The following ESF1 variants were observed in gnomAD, a reference collection of about 807,000 sequenced individuals.
ESF1 encodes ESF1 nucleolar pre-rRNA processing protein.
In ESF1, 58 loss-of-function variants were observed where a neutral mutation model predicts 92.0. The observed-to-expected ratio is 0.63, with a 90% CI of 0.51 to 0.78. The LOEUF (loss-of-function observed/expected upper bound fraction) is 0.78, where lower values mean the gene tolerates loss of function less well. ESF1 is among the 30% of genes least tolerant of loss of function. The pLI, the probability that ESF1 is intolerant of heterozygous loss-of-function variation, is 0.00. For missense variants in ESF1, 922 were observed against 989.1 expected, an observed-to-expected ratio of 0.93 and a Z score of 0.91; for synonymous variants, 321 against 313.7, an observed-to-expected ratio of 1.02 and a Z score of -0.24.
chr20:13,728,362 A>G lies in ESF1; in HGVS notation c.2038+16T>C. 5 of 1,590,972 alleles carry G rather than the reference A, an allele frequency of 3.1e-6. No homozygotes were observed. The African/African-American group carries it at 4.1e-5, about 13-fold the overall frequency. ...TTTAGATTCCAGTTGAAAACTACAGATATGAGCTGGCTTACCTATTTGTTT... is the reference window on the plus strand; with the variant it reads ...TTTAGATTCCAGTTGAAAACTACAGGTATGAGCTGGCTTACCTATTTGTTT... On this transcript the variant is annotated intron_variant, in intron 11 of 13. Coordinates refer to ENST00000617257, the MANE Select transcript of ESF1 (RefSeq NM_001276380.2).
chr20:13,761,321 A>G lies in ESF1; in HGVS notation c.1667-1468T>C, dbSNP rs867385920. 3.8e-4 allele frequency among the ~76,000 whole-genome samples: 57 copies of G among 151,352 alleles called. 1 individual carries two copies. The Middle Eastern group carries it at 0.027, about 72-fold the overall frequency. ...TTTATCTGCTGACCTTCCCTCCACT[A>G]TTGTCCTATGACCCTGCCAAATCCC... On this transcript the variant is annotated intron_variant, in intron 8 of 13. Coordinates refer to ENST00000617257, the MANE Select transcript of ESF1 (RefSeq NM_001276380.2).
chr20:13,756,036 A>G (rs531408010), intron 9 of ESF1, among the ~76,000 whole-genome samples: 1 of 152,206 alleles, frequency 6.6e-6, no homozygotes, highest in Non-Finnish European at 1.5e-5. Flanking sequence ...ATAACATCAA[A>G]AAAGTCCTGA....
At chr20:13,766,492 A>G (rs1284481275) in intron 8 of ESF1, among the ~76,000 whole-genome samples, 1 of 152,230 alleles carries the variant, frequency 6.6e-6, no homozygotes, top group Non-Finnish European at 1.5e-5. Context: ...AAATGAGGGG[A>G]GATGCCTAAA....
chr20:13,739,252 G>A (rs939554900), intron 9 of ESF1, among the ~76,000 whole-genome samples: 1 of 152,018 alleles, frequency 6.6e-6, no homozygotes, highest in East Asian at 1.9e-4. Flanking sequence ...CATTTGTCTT[G>A]AATTTGAGCT....
chr20:13,767,841 G>A (rs1979498379), intron 7 of ESF1, among the ~76,000 whole-genome samples: 1 of 151,920 alleles, frequency 6.6e-6, no homozygotes, highest in African/African-American at 2.4e-5. Context: ...TTCATCATAG[G>A]GTAGATCCAC....
chr20:13,782,650 T>C lies in ESF1; in HGVS notation c.491A>G (p.Lys164Arg), dbSNP rs1366948332. ...AATGTTTTTTTTCTCTTTCTTATTT[T>C]TTTGTGTAAATTCTTTGCTATCCTT... Reference protein sequence around the residue: ...PKKDSKEFTQKNKKEKKNIVQ... With the variant: ...PKKDSKEFTQRNKKEKKNIVQ... The change falls in exon 2 of 14, where the codon AAA (lysine) becomes AGA (arginine). Residue 164 changes from lysine (K) to arginine (R), a missense_variant. Transcript: ENST00000617257. 1.2e-6 allele frequency: 2 copies of C among 1,606,580 alleles called. No homozygotes were observed. Among genetic ancestry groups the C allele is most frequent in the South Asian group, 1.1e-5 (1 of 88,314 alleles).
At chr20:13,728,712 A>C (rs1196285830) in intron 10 of ESF1, among the ~76,000 whole-genome samples, 1 of 151,698 alleles carries the variant, frequency 6.6e-6, no homozygotes, top group Non-Finnish European at 1.5e-5. Flanking sequence ...TAAAAATACA[A>C]AAAAATTCGC....
rs1446020600 is a variant in ESF1, at chr20:13,775,952, G to GT, written c.955dup (p.Thr319AsnfsTer12). The GT allele has an allele frequency of 6.2e-7, 1 of 1,613,540 alleles. No individual in the cohort carries two copies. Among genetic ancestry groups the GT allele is most frequent in the African/African-American group, 1.3e-5 (1 of 74,864 alleles). On this transcript the variant is annotated frameshift_variant, in exon 3 of 14. Coordinates refer to ENST00000617257, the MANE Select transcript of ESF1 (RefSeq NM_001276380.2). LOFTEE classifies it high-confidence loss of function. Reference sequence around the variant, plus strand: ...AGATTCTTCTGGAAACAAATCTGCCGTATCATCTTCATCTTCAGAACTAGT... The same window carrying GT: ...AGATTCTTCTGGAAACAAATCTGCCGTTATCATCTTCATCTTCAGAACTAGT...
intron 11 of ESF1, among the ~76,000 whole-genome samples, chr20:13,723,025 A>C (rs942043118): frequency 6.6e-6 from 1 of 152,206 alleles, no homozygotes; most frequent in African/African-American, 2.4e-5. Context: ...TTTAGGCAAA[A>C]AATGTAACAG....
intron 11 of ESF1, among the ~76,000 whole-genome samples, chr20:13,727,683 C>T (rs2049910348): frequency 6.6e-6 from 1 of 151,932 alleles, no homozygotes; most frequent in Admixed American, 6.6e-5. Context: ...ATTTCCTCCA[C>T]ATAATGGAGG....
At chr20:13,741,432 G>A (rs1400610610) in intron 9 of ESF1, among the ~76,000 whole-genome samples, 1 of 152,190 alleles carries the variant, frequency 6.6e-6, no homozygotes, top group East Asian at 1.9e-4. Flanking sequence ...TTTCTGAAGT[G>A]TGGTACTGGT....
chr20:13,725,069 T>C (rs563163830), intron 11 of ESF1, among the ~76,000 whole-genome samples: 12 of 152,236 alleles, frequency 7.9e-5, no homozygotes, highest in East Asian at 1.9e-4. Flanking sequence ...CTCCTTAAAA[T>C]TGACAATTAA....
chr20:13,716,836 T>TTTTTTTA (rs1350114095), intron 13 of ESF1, among the ~76,000 whole-genome samples: 4 of 108,758 alleles, frequency 3.7e-5, no homozygotes, highest in Admixed American at 1.1e-4. Context: ...TTTTTTTTTT[T>TTTTTTTA]AGACAGAGTC....
At chr20:13,766,506 T>C (rs890231300) in intron 8 of ESF1, among the ~76,000 whole-genome samples, 3 of 152,196 alleles carry the variant, frequency 2.0e-5, no homozygotes, top group South Asian at 2.1e-4. Context: ...GCCTAAAAGA[T>C]TGTTTTACTG....
At chr20:13,781,914 T>G (rs1307034393) in intron 2 of ESF1, among the ~76,000 whole-genome samples, 1 of 152,212 alleles carries the variant, frequency 6.6e-6, no homozygotes, top group Non-Finnish European at 1.5e-5. Context: ...TCTCGCTCTG[T>G]CAGCCAGTCT....
chr20:13,733,913 TA>T, intron 9 of ESF1, 71 bp from the exon 10 acceptor site: 2 of 1,478,490 alleles, frequency 1.4e-6, no homozygotes, highest in Non-Finnish European at 1.8e-6. Context: ...ATATAATTTA[TA>T]AAGACAAATA....
chr20:13,731,625 G>A (rs1268164666), intron 10 of ESF1, among the ~76,000 whole-genome samples: 1 of 152,092 alleles, frequency 6.6e-6, no homozygotes, highest in African/African-American at 2.4e-5. Context: ...ACATCAATGG[G>A]AGCAGGGCTC....
intron 8 of ESF1, 104 bp downstream of exon 8, chr20:13,766,673 A>G: frequency 8.9e-7 from 1 of 1,123,686 alleles, no homozygotes; most frequent in African/African-American, 1.6e-5. Flanking sequence ...AGGTATATAT[A>G]ATACTGTGCA....
intron 11 of ESF1, among the ~76,000 whole-genome samples, chr20:13,724,031 C>T (rs1033778402): frequency 8.5e-5 from 13 of 152,204 alleles, no homozygotes; most frequent in South Asian, 6.2e-4. Flanking sequence ...TGGTGGCTCA[C>T]GCCTGTAATC....
Sources: allele counts gnomAD v4.1 joint callset (sites outside exome capture counted in the v4.1 genomes callset), GRCh38; gene constraint gnomAD v4.1.1; transcripts MANE v1.5; gene names NCBI Gene and HGNC (gene_info 2026-07-23, HGNC 2026-07-21).